The following DLG2 variants were observed in gnomAD, a reference collection of about 807,000 sequenced individuals.
DLG2 encodes discs large MAGUK scaffold protein 2, also known as disks large homolog 2.
In DLG2, 45 loss-of-function variants were observed where a neutral mutation model predicts 132.5. That is an observed-to-expected ratio of 0.34 (90% CI 0.27 to 0.44). The LOEUF (loss-of-function observed/expected upper bound fraction) is 0.44. Among genes scored for constraint, DLG2 ranks in the 20% least tolerant of loss-of-function variants. The pLI, the probability that DLG2 is intolerant of heterozygous loss-of-function variation, is 1.00. For synonymous variants in DLG2, 424 were observed against 419.6 expected, an observed-to-expected ratio of 1.01 and a Z score of -0.13; for missense variants, 1,045 against 1,196.9, an observed-to-expected ratio of 0.87 and a Z score of 1.87.
chr11:84,115,077 G>A (rs981448447), intron 9 of DLG2, among the ~76,000 whole-genome samples: 2 of 152,124 alleles, frequency 1.3e-5, no homozygotes, highest in South Asian at 4.1e-4. Context: ...CATTGGCAGT[G>A]GTAAGGATTT....
At chr11:83,749,467 TGTGC>T (rs2093158236) in intron 18 of DLG2, among the ~76,000 whole-genome samples, 1 of 152,200 alleles carries the variant, frequency 6.6e-6, no homozygotes. Flanking sequence ...AGTTATGATC[TGTGC>T]CATTTGTCTC....
chr11:84,506,277 G>A lies in DLG2; in HGVS notation c.519+28293C>T, dbSNP rs2099240492. Among the ~76,000 whole-genome samples the A allele has an allele frequency of 4.6e-5, 7 of 151,234 alleles. No individual in the cohort carries two copies. The South Asian group carries it at 1.5e-3, about 32-fold the overall frequency. ...TTTTTAGTAGAGACGGGGTTTCACCGTTTTAGCCGGGATGGTCTCGATCTC... is the reference window on the plus strand; with the variant it reads ...TTTTTAGTAGAGACGGGGTTTCACCATTTTAGCCGGGATGGTCTCGATCTC... On this transcript the variant is annotated intron_variant, in intron 7 of 27. Transcript: ENST00000376104.
intron 11 of DLG2, among the ~76,000 whole-genome samples, chr11:84,034,313 T>A (rs1237630492): frequency 6.6e-6 from 1 of 152,146 alleles, no homozygotes; most frequent in Non-Finnish European, 1.5e-5. Context: ...TTTTTTTGGA[T>A]GTAATACTGT....
At chr11:85,584,983 T>C (rs2153230090) in intron 3 of DLG2, among the ~76,000 whole-genome samples, 1 of 152,368 alleles carries the variant, frequency 6.6e-6, no homozygotes, top group African/African-American at 2.4e-5. Flanking sequence ...TTTCTTTTGC[T>C]ATGCAGAAGC....
chr11:85,104,871 GCAAAAAAAAAAA>G (rs1472567367), intron 6 of DLG2, among the ~76,000 whole-genome samples: 1 of 43,224 alleles, frequency 2.3e-5, no homozygotes, highest in African/African-American at 1.2e-4. Flanking sequence ...TGGCTGAATG[GCAAAAAAAAAAA>G]AAAAAAAAAA....
chr11:84,732,738 C>A (rs952451727), intron 6 of DLG2, among the ~76,000 whole-genome samples: 1 of 151,874 alleles, frequency 6.6e-6, no homozygotes, highest in Admixed American at 6.6e-5. Context: ...TGGTGTGCTG[C>A]ACCCATTAAC....
chr11:83,731,081 C>T (rs1201023082), intron 18 of DLG2, among the ~76,000 whole-genome samples: 1 of 152,128 alleles, frequency 6.6e-6, no homozygotes, highest in Non-Finnish European at 1.5e-5. Flanking sequence ...TCTGCTATTT[C>T]CAAGTGGCCC....
At chr11:84,833,604 C>T (rs2079319886) in intron 6 of DLG2, among the ~76,000 whole-genome samples, 1 of 150,592 alleles carries the variant, frequency 6.6e-6, no homozygotes, top group Admixed American at 6.6e-5. Context: ...GAACTATCAG[C>T]ACCATAACAA....
chr11:84,090,692 T>C (rs1276604628), intron 10 of DLG2, among the ~76,000 whole-genome samples: 1 of 152,232 alleles, frequency 6.6e-6, no homozygotes, highest in Non-Finnish European at 1.5e-5. Flanking sequence ...AGAATATTTC[T>C]GGAAAGAAAT....
intron 5 of DLG2, among the ~76,000 whole-genome samples, chr11:85,125,719 T>G (rs557605368): frequency 2.0e-5 from 3 of 152,094 alleles, no homozygotes; most frequent in Non-Finnish European, 4.4e-5. Context: ...ATGCACCTCA[T>G]CTTTAAGATA....
At chr11:84,627,215 A>C (rs563469547) in intron 6 of DLG2, among the ~76,000 whole-genome samples, 1 of 152,266 alleles carries the variant, frequency 6.6e-6, no homozygotes, top group South Asian at 2.1e-4. Flanking sequence ...TAGCAACCTA[A>C]CATTGGCAAT....
chr11:83,606,842 G>A (rs1465520121), intron 19 of DLG2, among the ~76,000 whole-genome samples: 1 of 152,088 alleles, frequency 6.6e-6, no homozygotes, highest in Admixed American at 6.5e-5. Flanking sequence ...CAGGAGAATG[G>A]CATGAACCCG....
chr11:84,978,238 C>A (rs189299729), intron 6 of DLG2, among the ~76,000 whole-genome samples: 5 of 152,060 alleles, frequency 3.3e-5, no homozygotes, highest in Non-Finnish European at 5.9e-5. Context: ...CTGAAGGAGA[C>A]GTTTAAAAAC....
At chr11:85,195,826 G>T (rs2081025022) in intron 4 of DLG2, among the ~76,000 whole-genome samples, 1 of 151,976 alleles carries the variant, frequency 6.6e-6, no homozygotes, top group African/African-American at 2.4e-5. Flanking sequence ...GCGCCCGGCC[G>T]ACAGTGTTTT....
chr11:83,689,994 ATAT>A (rs549824084), intron 18 of DLG2, among the ~76,000 whole-genome samples: 1,272 of 126,098 alleles, frequency 0.01, 12 homozygotes, highest in African/African-American at 0.035. Flanking sequence ...ATTTATTATA[ATAT>A]TATATTTATT....
chr11:84,827,171 G>A (rs995227489), intron 6 of DLG2, among the ~76,000 whole-genome samples: 2 of 151,606 alleles, frequency 1.3e-5, no homozygotes, highest in African/African-American at 4.8e-5. Context: ...CATATAAATT[G>A]ACCAAAGTCA....
At chr11:83,985,651 T>G (rs2093218494) in intron 11 of DLG2, among the ~76,000 whole-genome samples, 1 of 152,162 alleles carries the variant, frequency 6.6e-6, no homozygotes. Flanking sequence ...AATGATGGCT[T>G]CCAGCTCCAT....
chr11:84,686,630 G>GT (rs60618412), intron 6 of DLG2, among the ~76,000 whole-genome samples: 5,914 of 113,742 alleles, frequency 0.052, 234 homozygotes, highest in African/African-American at 0.11. Flanking sequence ...TGGCCTTGAG[G>GT]TTTTTTTTTT....
chr11:84,468,284 A>C (rs2099099820), intron 7 of DLG2, among the ~76,000 whole-genome samples: 2 of 151,536 alleles, frequency 1.3e-5, no homozygotes, highest in Admixed American at 1.3e-4. Context: ...GGATTACCAT[A>C]AAATGGTCCC....
Sources: gnomAD v4.1 joint callset for allele counts (sites outside exome capture counted in the v4.1 genomes callset) on GRCh38, gnomAD v4.1.1 for gene constraint, MANE v1.5 for transcripts, NCBI Gene and HGNC (gene_info 2026-07-23, HGNC 2026-07-21) for gene names.